The following C1orf21 variants were observed in gnomAD, a reference collection of about 807,000 sequenced individuals.
C1orf21 encodes uncharacterized protein C1orf21.
C1orf21 carries 3 observed loss-of-function variants against 18.7 expected under a neutral mutation model. That is an observed-to-expected ratio of 0.16 (90% CI 0.07 to 0.42). C1orf21 has a LOEUF of 0.42. Among genes scored for constraint, C1orf21 ranks in the 10% least tolerant of loss-of-function variants. The pLI is 0.99. For missense variants in C1orf21, 104 were observed against 143.6 expected (o/e 0.72, Z 1.41); for synonymous variants, 41 against 46.4 (o/e 0.88, Z 0.47).
intron 1 of C1orf21, among the ~76,000 whole-genome samples, chr1:184,438,907 T>A (rs904920050): frequency 2.0e-5 from 3 of 152,108 alleles, no homozygotes; most frequent in African/African-American, 7.2e-5. Flanking sequence ...GCATTAAAGA[T>A]GTGTCATTAA....
At chr1:184,395,741 G>A (rs1656041322) in intron 1 of C1orf21, among the ~76,000 whole-genome samples, 1 of 152,240 alleles carries the variant, frequency 6.6e-6, no homozygotes, top group South Asian at 2.1e-4. Context: ...ACTGTCCAAC[G>A]TAGTTAATAA....
At chr1:184,611,633 A>T (rs1178409279) in intron 5 of C1orf21, among the ~76,000 whole-genome samples, 1 of 152,154 alleles carries the variant, frequency 6.6e-6, no homozygotes, top group African/African-American at 2.4e-5. Flanking sequence ...AACATGGAGG[A>T]AGGGGTTAGG....
intron 3 of C1orf21, among the ~76,000 whole-genome samples, chr1:184,575,022 G>A (rs1659167529): frequency 6.6e-6 from 1 of 152,316 alleles, no homozygotes; most frequent in South Asian, 2.1e-4. Context: ...ATACGCAAAT[G>A]AAGAAACTCG....
chr1:184,567,374 C>G (rs1024149604), intron 3 of C1orf21: 1 of 492,172 alleles, frequency 2.0e-6, no homozygotes, highest in Non-Finnish European at 4.1e-6. Context: ...CACCTACCAG[C>G]TCTTGTTTGG....
chr1:184,608,788 T>G (rs1191759339), intron 5 of C1orf21, among the ~76,000 whole-genome samples: 2 of 152,182 alleles, frequency 1.3e-5, no homozygotes, highest in Middle Eastern at 3.2e-3. Context: ...GGCCTACTTA[T>G]CTTCCTCTTC....
intron 5 of C1orf21, among the ~76,000 whole-genome samples, chr1:184,602,211 G>A (rs1659594004): frequency 6.6e-6 from 1 of 152,070 alleles, no homozygotes; most frequent in Non-Finnish European, 1.5e-5. Context: ...CTGGTTCAGG[G>A]GTTGGAACTT....
chr1:184,528,589 C>T lies in C1orf21; in HGVS notation c.189+20907C>T, dbSNP rs114960875. Reference sequence around the variant, plus strand: ...CCTCCCGAGGTGCTGAGATTACAGGCGCCTGCTACCACGCCCGGCTAATTT... The same window carrying T: ...CCTCCCGAGGTGCTGAGATTACAGGTGCCTGCTACCACGCCCGGCTAATTT... On this transcript the variant is annotated intron_variant, in intron 3 of 5. Transcript: ENST00000235307. Among the ~76,000 whole-genome samples the T allele has an allele frequency of 8.2e-3, 1,244 of 152,188 alleles. 14 individuals carry two copies. The highest frequency in any genetic ancestry group is 0.028 in the African/African-American group (1,182 of 41,536).
At position 184,477,615 on chromosome 1, in the gene C1orf21, C is replaced by G. The variant is rs763420806; in HGVS notation, c.94+12C>G. The G allele has an allele frequency of 6.2e-7, 1 of 1,609,242 alleles. No homozygotes were observed. The highest frequency in any genetic ancestry group is 1.3e-5 in the African/African-American group (1 of 74,786). ...AGATGTGTTTGGCGGTGAGTCCTAT[C>G]AAACTTGACTCTTGACCCATTGATT... On this transcript the variant is annotated intron_variant, in intron 2 of 5. Transcript: ENST00000235307.
Position 184,625,430 on chromosome 1 carries a change from T to C in C1orf21, c.*5874T>C. ...AGTTTTGCAATAGATTTCAAGCCAG[T>C]TTTTCCATTCAAACCAAGATGCAAA... On this transcript the variant is annotated 3_prime_UTR_variant, in exon 6 of 6. Coordinates refer to ENST00000235307, the MANE Select transcript of C1orf21 (RefSeq NM_030806.4). 6.6e-6 allele frequency: 1 copy of C among 152,612 alleles called. No homozygotes were observed. The highest frequency in any genetic ancestry group is 1.9e-4 in the East Asian group (1 of 5,196). The allele number at this position is 152,612 out of a possible 1,614,324, so 9.5% of individuals were successfully genotyped here. A position where few individuals can be genotyped will look rare whatever the true frequency, so the allele number is the denominator to read the frequency against.
intron 5 of C1orf21, among the ~76,000 whole-genome samples, chr1:184,598,676 C>G (rs1046048703): frequency 1.3e-5 from 2 of 152,098 alleles, no homozygotes; most frequent in Non-Finnish European, 2.9e-5. Context: ...ACTGTCCTTG[C>G]CTATTAAAGT....
In C1orf21 at chr1:184,619,650, C is replaced by A; in HGVS notation, c.*94C>A. 8.8e-7 allele frequency: 1 copy of A among 1,140,562 alleles called. No individual in the cohort carries two copies. The highest frequency in any genetic ancestry group is 1.3e-6 in the Non-Finnish European group (1 of 777,330). 70.7% of individuals were successfully genotyped at this position (1,140,562 alleles called of 1,614,324 possible). A position where few individuals can be genotyped will look rare whatever the true frequency, so the allele number is the denominator to read the frequency against. The stretch of plus-strand genomic sequence containing the variant: ...GCAAAGGTCGGTTCTATTCAGCGAA[C>A]AGCACTATAGCAAAAGAAGATCGTT... On this transcript the variant is annotated 3_prime_UTR_variant, in exon 6 of 6. Coordinates refer to ENST00000235307, the MANE Select transcript of C1orf21 (RefSeq NM_030806.4).
intron 1 of C1orf21, among the ~76,000 whole-genome samples, chr1:184,447,141 TTTC>T (rs1207098134): frequency 6.6e-6 from 1 of 152,164 alleles, no homozygotes; most frequent in Admixed American, 6.5e-5. Context: ...GTTCTTACAG[TTTC>T]TTCTTCTGTG....
chr1:184,393,140 C>G (rs940792117), intron 1 of C1orf21, among the ~76,000 whole-genome samples: 1 of 152,094 alleles, frequency 6.6e-6, no homozygotes, highest in African/African-American at 2.4e-5. Flanking sequence ...TGCTTCCTAT[C>G]CCACACCTTA....
intron 3 of C1orf21, among the ~76,000 whole-genome samples, chr1:184,586,155 A>G (rs1659349028): frequency 1.3e-5 from 2 of 152,280 alleles, no homozygotes; most frequent in East Asian, 1.9e-4. Context: ...TCTGATTGAT[A>G]TGAGATAGTA....
intron 1 of C1orf21, among the ~76,000 whole-genome samples, chr1:184,430,805 T>A (rs1656749371): frequency 6.6e-6 from 1 of 152,242 alleles, no homozygotes; most frequent in Non-Finnish European, 1.5e-5. Flanking sequence ...TAAAGTAGTT[T>A]CTTCTAATTC....
At chr1:184,400,720 T>A (rs1656139005) in intron 1 of C1orf21, among the ~76,000 whole-genome samples, 1 of 152,146 alleles carries the variant, frequency 6.6e-6, no homozygotes, top group Non-Finnish European at 1.5e-5. Flanking sequence ...GGGGGTTTAT[T>A]TGTAAGTCAA....
intron 1 of C1orf21, among the ~76,000 whole-genome samples, chr1:184,473,373 T>C (rs570485274): frequency 9.2e-5 from 14 of 152,030 alleles, no homozygotes; most frequent in African/African-American, 3.4e-4. Context: ...CAGACTTACC[T>C]CTCTCTAAGC....
chr1:184,388,081 T>A (rs1571335489), intron 1 of C1orf21, among the ~76,000 whole-genome samples: 1 of 152,252 alleles, frequency 6.6e-6, no homozygotes, highest in African/African-American at 2.4e-5. Flanking sequence ...TTTGGTCTGC[T>A]GGTTAATGTC....
intron 1 of C1orf21, among the ~76,000 whole-genome samples, chr1:184,475,993 T>C (rs1173174874): frequency 6.6e-6 from 1 of 152,184 alleles, no homozygotes; most frequent in Non-Finnish European, 1.5e-5. Flanking sequence ...AAATGACCAA[T>C]GTTATAGTCA....
Sources: gnomAD v4.1 joint callset for allele counts (sites outside exome capture counted in the v4.1 genomes callset) on GRCh38, gnomAD v4.1.1 for gene constraint, MANE v1.5 for transcripts, NCBI Gene and HGNC (gene_info 2026-07-23, HGNC 2026-07-21) for gene names.